Variants in GHRHR observed in about 807,000 individuals in gnomAD.
The protein encoded by GHRHR is growth hormone-releasing hormone receptor.
GHRHR carries 40 observed loss-of-function variants against 58.3 expected under a neutral mutation model. The ratio of observed to expected loss-of-function variants is 0.69; its 90% CI spans 0.53 to 0.89. The LOEUF (loss-of-function observed/expected upper bound fraction) is 0.89. Among genes scored for constraint, GHRHR ranks in the 40% least tolerant of loss-of-function variants. The probability of loss-of-function intolerance (pLI) is 0.00; values close to 1 mark genes in which losing one functional copy is unlikely to be tolerated. For missense variants in GHRHR, 551 were observed against 541.3 expected (o/e 1.02, Z -0.18); for synonymous variants, 249 against 216.6 (o/e 1.15, Z -1.31).
In GHRHR at chr7:30,979,033, G is replaced by T. The variant is rs78745983; in HGVS notation, c.1147-86G>T. The stretch of plus-strand genomic sequence containing the variant: ...CCCATGTCTCTGTTTCTCTTACACG[G>T]CCTCTCCCTGCACCTTAGTCTCATT... On this transcript the variant is annotated intron_variant, in intron 12 of 12. Coordinates refer to ENST00000326139, the MANE Select transcript of GHRHR (RefSeq NM_000823.4). 74 of 1,278,712 alleles carry T rather than the reference G, an allele frequency of 5.8e-5. No individual in the cohort carries two copies. The East Asian group carries it at 1.7e-3, about 30-fold the overall frequency. 79.2% of individuals were successfully genotyped at this position (1,278,712 alleles called of 1,614,324 possible). A position where few individuals can be genotyped will look rare whatever the true frequency, so the allele number is the denominator to read the frequency against.
chr7:30,976,481 A>C lies in GHRHR; in HGVS notation c.1027A>C (p.Ile343Leu), dbSNP rs372024874. ...FLIPLFGIHY[I>L]IFNFLPDNAG... ...GATCCCACTCTTTGGAATTCACTAC[A>C]TCATCTTCAACTTCCTGCCAGACAA... Residue 343 changes from isoleucine to leucine, a missense_variant, in exon 11 of 13, where the codon ATC (isoleucine) becomes CTC (leucine). By Grantham distance (5) the Ile-to-Leu change is conservative. Coordinates refer to ENST00000326139, the MANE Select transcript of GHRHR (RefSeq NM_000823.4). 15 of 1,612,866 alleles carry C rather than the reference A, an allele frequency of 9.3e-6. No individual in the cohort carries two copies. The highest frequency in any genetic ancestry group is 1.1e-5 in the Non-Finnish European group (13 of 1,179,046).
chr7:30,964,021 AG>A lies in GHRHR; in HGVS notation c.-47del. The A allele has an allele frequency of 6.6e-7, 1 of 1,516,002 alleles. No individual in the cohort carries two copies. The highest frequency in any genetic ancestry group is 9.0e-7 in the Non-Finnish European group (1 of 1,115,676). The allele number at this position is 1,516,002 out of a possible 1,614,324, so 93.9% of individuals were successfully genotyped here. On this transcript the variant is annotated 5_prime_UTR_variant, in exon 1 of 13. Transcript: ENST00000326139. ...CAGGGGACAGCAGGGGAAGGAAGAT[AG>A]CCAAGGCTTACTGAGGCTGGTGGAG...
chr7:30,973,521 C>T (rs1222889806), intron 6 of GHRHR, among the ~76,000 whole-genome samples: 2 of 152,188 alleles, frequency 1.3e-5, no homozygotes, highest in African/African-American at 2.4e-5. Context: ...GGCAGGTGAT[C>T]AAGTCATGCA....
rs1448267143 is a variant in GHRHR, at chr7:30,979,270, C to T, written c.*26C>T. ...GCTGCCTCATCACGCCACTGGAGTC[C>T]ACACTTGAATTTGGGCAGCTACCAC... is the stretch of plus-strand genomic sequence containing the variant. On this transcript the variant is annotated 3_prime_UTR_variant, in exon 13 of 13. Coordinates refer to ENST00000326139, the MANE Select transcript of GHRHR (RefSeq NM_000823.4). The T allele has an allele frequency of 1.9e-6, 3 of 1,611,286 alleles. No individual in the cohort carries two copies. The African/African-American group carries it at 4.0e-5, about 22-fold the overall frequency.
Position 30,975,791 on chromosome 7 carries a change from T to C in GHRHR, c.897T>C (p.Leu299=), listed in dbSNP as rs746022932. The C allele has an allele frequency of 3.7e-6, 6 of 1,610,468 alleles. No homozygotes were observed. Among genetic ancestry groups the C allele is most frequent in the Non-Finnish European group, 8.5e-7 (1 of 1,176,608 alleles). ...IVLSVGVNFG[L]FLNIIRILVR... is the part of the protein sequence containing the mutation. ...TCTATTTCCAGGTGAACTTTGGGCT[T>C]TTTCTCAATATTATCCGCATCCTGG... Residue 299 remains leucine, a synonymous_variant, in exon 10 of 13, where the codon CTT becomes CTC. Coordinates refer to ENST00000326139, the MANE Select transcript of GHRHR (RefSeq NM_000823.4).
intron 7 of GHRHR, 136 bp from the exon 8 acceptor site, chr7:30,974,293 G>T (rs1210844044): frequency 1.8e-6 from 2 of 1,123,786 alleles, no homozygotes; most frequent in Non-Finnish European, 2.7e-6. Flanking sequence ...TGGGACCAGG[G>T]CCCTGGCTCT....
intron 10 of GHRHR, 103 bp downstream of exon 10, chr7:30,975,971 C>A: frequency 1.3e-6 from 1 of 751,766 alleles, no homozygotes; most frequent in Non-Finnish European, 2.4e-6. Context: ...GCCCCATACT[C>A]TTTCTTCCCT....
intron 6 of GHRHR, among the ~76,000 whole-genome samples, chr7:30,972,869 T>G (rs1472347798): frequency 6.6e-6 from 1 of 152,184 alleles, no homozygotes; most frequent in Non-Finnish European, 1.5e-5. Flanking sequence ...TAATCATACT[T>G]CATACTGAGC....
At chr7:30,976,278 A>C in intron 10 of GHRHR, 151 bp from the exon 11 acceptor site, 1 of 723,150 alleles carries the variant, frequency 1.4e-6, no homozygotes, top group South Asian at 1.5e-5. Flanking sequence ...AGAAATAAAA[A>C]AGCCCAGAGT....
chr7:30,970,002 T>C (rs374716250), intron 4 of GHRHR, 38 bp downstream of exon 4: 22 of 870,274 alleles, frequency 2.5e-5, no homozygotes, highest in Non-Finnish European at 4.0e-5. Context: ...AGGACTGCCA[T>C]GGACATTTGT....
At chr7:30,977,371 C>T (rs148384401) in intron 12 of GHRHR, 49 bp downstream of exon 12, 4 of 1,503,868 alleles carry the variant, frequency 2.7e-6, no homozygotes, top group Non-Finnish European at 2.8e-6. Flanking sequence ...TCCCACCAGA[C>T]CTAAGGCCCC....
In GHRHR at chr7:30,979,463, A is replaced by C. The variant is rs1792651214; in HGVS notation, c.*219A>C. 1.9e-6 allele frequency: 1 copy of C among 535,638 alleles called. No individual in the cohort carries two copies. Among genetic ancestry groups the C allele is most frequent in the African/African-American group, 1.9e-5 (1 of 53,106 alleles). 33.2% of individuals were successfully genotyped at this position (535,638 alleles called of 1,614,324 possible). The stretch of plus-strand genomic sequence containing the variant: ...GGTCCCTCTGTGTCTGCTCTCATCC[A>C]TTCCTCTTACTGGGGCCTGGGGCTC... On this transcript the variant is annotated 3_prime_UTR_variant, in exon 13 of 13. Transcript: ENST00000326139.
In GHRHR at chr7:30,976,347, T is replaced by C. The variant is rs1295206897; in HGVS notation, c.975-82T>C. ...GTTCCACAGAGTGGATATAGGGAGG[T>C]GGTAGGAAGTGAGAGGAGATGAAGT... On this transcript the variant is annotated intron_variant, in intron 10 of 12. Coordinates refer to ENST00000326139, the MANE Select transcript of GHRHR (RefSeq NM_000823.4). 5.6e-6 allele frequency: 7 copies of C among 1,254,882 alleles called. No individual in the cohort carries two copies. In the African/African-American group the frequency reaches 5.9e-5, roughly 11 times the overall value. The allele number at this position is 1,254,882 out of a possible 1,614,324, so 77.7% of individuals were successfully genotyped here.
At chr7:30,965,306 C>T (rs1792324828) in intron 1 of GHRHR, among the ~76,000 whole-genome samples, 1 of 152,134 alleles carries the variant, frequency 6.6e-6, no homozygotes, top group African/African-American at 2.4e-5. Flanking sequence ...CACTGTTTGC[C>T]AGTGTGGGCA....
At chr7:30,977,184 C>A (rs1476965860) in intron 11 of GHRHR, 97 bp from the exon 12 acceptor site, 4 of 1,134,496 alleles carry the variant, frequency 3.5e-6, no homozygotes, top group Non-Finnish European at 5.4e-6. Context: ...CAAGCCATAG[C>A]CTGGGGATGA....
At chr7:30,973,913 T>C in intron 6 of GHRHR, 72 bp from the exon 7 acceptor site, 1 of 1,465,854 alleles carries the variant, frequency 6.8e-7, no homozygotes, top group East Asian at 2.3e-5. Flanking sequence ...TGTATCTGAG[T>C]AGGGTAGAGG....
At chr7:30,972,911 C>T (rs1792505467) in intron 6 of GHRHR, among the ~76,000 whole-genome samples, 1 of 152,200 alleles carries the variant, frequency 6.6e-6, no homozygotes, top group South Asian at 2.1e-4. Context: ...GCACTAAGTG[C>T]TTTACATATG....
rs760163983 is a variant in GHRHR at position 30,974,421 on chromosome 7, T to A, written c.752-8T>A. ...TCCCTCGCTTGTGTCTTCCCTGTAC[T>A]CCTGTAGGGCTGCCCGTGCTCTTCA... is the stretch of plus-strand genomic sequence containing the variant. On this transcript the variant is annotated splice_region_variant and splice_polypyrimidine_tract_variant and intron_variant, in intron 7 of 12. Coordinates refer to ENST00000326139, the MANE Select transcript of GHRHR (RefSeq NM_000823.4). 1.9e-6 allele frequency: 3 copies of A among 1,603,592 alleles called. No homozygotes were observed. Among genetic ancestry groups the A allele is most frequent in the Non-Finnish European group, 2.6e-6 (3 of 1,170,384 alleles).
chr7:30,975,523 G>A (rs1035706998), intron 9 of GHRHR, among the ~76,000 whole-genome samples: 9 of 152,178 alleles, frequency 5.9e-5, no homozygotes, highest in Non-Finnish European at 1.2e-4. Flanking sequence ...GCTGGAGGCA[G>A]GTGGCAAGGC....
Sources: gnomAD v4.1 joint callset for allele counts (sites outside exome capture counted in the v4.1 genomes callset) on GRCh38, gnomAD v4.1.1 for gene constraint, MANE v1.5 for transcripts, NCBI Gene and HGNC (gene_info 2026-07-23, HGNC 2026-07-21) for gene names.